FRMD4A: variants seen among roughly 807,000 people sequenced by gnomAD.
FRMD4A encodes FERM domain containing 4A.
In FRMD4A, 29 loss-of-function variants were observed where a neutral mutation model predicts 129.1. The ratio of observed to expected loss-of-function variants is 0.22; its 90% confidence interval spans 0.17 to 0.31. The LOEUF (loss-of-function observed/expected upper bound fraction) is 0.31, where lower values mean the gene tolerates loss of function less well. Among genes scored for constraint, FRMD4A ranks in the 10% least tolerant of loss-of-function variants. The probability of loss-of-function intolerance (pLI) is 1.00; values close to 1 mark genes in which losing one functional copy is unlikely to be tolerated. For missense variants in FRMD4A, 1,272 were observed against 1,375.8 expected, an observed-to-expected ratio of 0.92 and a Z score of 1.19; for synonymous variants, 634 against 571.6, an observed-to-expected ratio of 1.11 and a Z score of -1.56.
At chr10:14,131,399 C>CCA (rs1554767034) in intron 2 of FRMD4A, among the ~76,000 whole-genome samples, 1 of 151,076 alleles carries the variant, frequency 6.6e-6, no homozygotes, top group Non-Finnish European at 1.5e-5. Context: ...TCACTGTGCC[C>CCA]CCCCCGGCCG....
chr10:13,701,208 G>A (rs2296597), intron 14 of FRMD4A, 132 bp downstream of exon 14: 13,365 of 757,574 alleles, frequency 0.018, 761 homozygotes, highest in South Asian at 0.12. Context: ...AGCCCTAAGA[G>A]GCAAGCCTGT....
At chr10:13,704,550 C>T (rs563322067) in intron 13 of FRMD4A, among the ~76,000 whole-genome samples, 11 of 152,334 alleles carry the variant, frequency 7.2e-5, no homozygotes, top group Middle Eastern at 3.4e-3. Context: ...CCAACTCAGA[C>T]CTCTCCTTCC....
intron 14 of FRMD4A, among the ~76,000 whole-genome samples, chr10:13,697,763 G>A (rs987834773): frequency 3.9e-5 from 6 of 152,198 alleles, no homozygotes; most frequent in East Asian, 3.8e-4. Flanking sequence ...AAGGAAAGAC[G>A]TTTGGATTGG....
At chr10:14,040,717 C>T (rs1833745937) in intron 2 of FRMD4A, among the ~76,000 whole-genome samples, 1 of 149,366 alleles carries the variant, frequency 6.7e-6, no homozygotes, top group South Asian at 2.2e-4. Flanking sequence ...GAGTACTCCT[C>T]AGAAACCATA....
intron 2 of FRMD4A, among the ~76,000 whole-genome samples, chr10:14,316,550 G>A (rs1406967298): frequency 1.4e-5 from 2 of 146,400 alleles, no homozygotes; most frequent in South Asian, 2.2e-4. Flanking sequence ...AAGAAACCAG[G>A]CTTAAGCCAA....
At chr10:13,868,449 A>G (rs2094400839) in intron 2 of FRMD4A, among the ~76,000 whole-genome samples, 1 of 152,124 alleles carries the variant, frequency 6.6e-6, no homozygotes, top group Non-Finnish European at 1.5e-5. Flanking sequence ...ATTTTGCTCT[A>G]TGACCTCTGG....
intron 9 of FRMD4A, among the ~76,000 whole-genome samples, chr10:13,744,342 GCCT>G (rs895139070): frequency 3.8e-4 from 58 of 152,248 alleles, no homozygotes; most frequent in African/African-American, 1.3e-3. Flanking sequence ...TGCCTCAGTT[GCCT>G]CCTCAACAGG....
intron 8 of FRMD4A, among the ~76,000 whole-genome samples, chr10:13,758,584 G>A (rs1220536961): frequency 6.6e-6 from 1 of 152,218 alleles, no homozygotes; most frequent in Admixed American, 6.5e-5. Flanking sequence ...TGTGCACTAG[G>A]AGAAGGGGGT....
rs147344933 is a variant in FRMD4A at position 14,023,430 on chromosome 10, G to A, written c.46-164518C>T. ...CTCAGTGATGTACTATAAAGAAAGC[G>A]CCAACCTTCCATAGCCTTCTCCAGC... On this transcript the variant is annotated intron_variant, in intron 2 of 24. Coordinates refer to ENST00000357447, the MANE Select transcript of FRMD4A (RefSeq NM_018027.5). Among the ~76,000 whole-genome samples the A allele has an allele frequency of 5.6e-3, 852 of 152,268 alleles. 4 individuals are homozygous for A. The highest frequency in any genetic ancestry group is 8.2e-3 in the Non-Finnish European group (557 of 68,008).
chr10:14,226,739 A>C (rs1218312073), intron 2 of FRMD4A, among the ~76,000 whole-genome samples: 2 of 152,046 alleles, frequency 1.3e-5, no homozygotes, highest in Non-Finnish European at 2.9e-5. Flanking sequence ...CACCTCATCA[A>C]ATCCATGGAA....
intron 2 of FRMD4A, among the ~76,000 whole-genome samples, chr10:13,993,429 A>T (rs920474098): frequency 5.9e-5 from 9 of 152,222 alleles, no homozygotes; most frequent in Non-Finnish European, 1.2e-4. Context: ...AGCTGTTACC[A>T]GTCAGCCACC....
intron 2 of FRMD4A, among the ~76,000 whole-genome samples, chr10:14,153,115 T>C (rs1218772860): frequency 6.6e-6 from 1 of 152,144 alleles, no homozygotes; most frequent in Non-Finnish European, 1.5e-5. Context: ...GGGACAACAA[T>C]GTATTGCAGT....
At chr10:14,274,092 A>T (rs1462869463) in intron 2 of FRMD4A, among the ~76,000 whole-genome samples, 1 of 152,188 alleles carries the variant, frequency 6.6e-6, no homozygotes, top group African/African-American at 2.4e-5. Flanking sequence ...TCCCAAAGGG[A>T]GGTGCTGTGT....
At chr10:14,243,201 GCT>G (rs1381672070) in intron 2 of FRMD4A, among the ~76,000 whole-genome samples, 3 of 152,140 alleles carry the variant, frequency 2.0e-5, no homozygotes, top group Non-Finnish European at 4.4e-5. Flanking sequence ...ATATAGTTTG[GCT>G]CTGTGTCCTC....
At chr10:13,699,634 TG>T (rs1159117822) in intron 14 of FRMD4A, among the ~76,000 whole-genome samples, 2 of 152,060 alleles carry the variant, frequency 1.3e-5, no homozygotes, top group African/African-American at 2.4e-5. Context: ...GTACAGTGCG[TG>T]GGGGGTCTGC....
chr10:13,660,042 CTAAT>C (rs1408198781), intron 20 of FRMD4A, among the ~76,000 whole-genome samples: 2 of 152,190 alleles, frequency 1.3e-5, no homozygotes, highest in African/African-American at 4.8e-5. Flanking sequence ...CTGAGATTTC[CTAAT>C]TAATTCCTCT....
At chr10:13,818,997 T>A (rs909706275) in intron 3 of FRMD4A, among the ~76,000 whole-genome samples, 2 of 151,908 alleles carry the variant, frequency 1.3e-5, no homozygotes, top group African/African-American at 4.8e-5. Flanking sequence ...GCGTGGTGGC[T>A]CATGCCTGTA....
At chr10:14,101,911 C>A (rs1340996094) in intron 2 of FRMD4A, among the ~76,000 whole-genome samples, 1 of 152,166 alleles carries the variant, frequency 6.6e-6, no homozygotes, top group Admixed American at 6.5e-5. Flanking sequence ...TTAGACATAT[C>A]CCCCATCAAT....
At chr10:13,920,004 T>C (rs555835938) in intron 2 of FRMD4A, among the ~76,000 whole-genome samples, 125 of 152,250 alleles carry the variant, frequency 8.2e-4, no homozygotes, top group African/African-American at 2.8e-3. Context: ...TGACCTAGCT[T>C]ACATAACACA....
Sources: allele counts gnomAD v4.1 joint callset (sites outside exome capture counted in the v4.1 genomes callset), GRCh38; gene constraint gnomAD v4.1.1; transcripts MANE v1.5; gene names NCBI Gene and HGNC (gene_info 2026-07-23, HGNC 2026-07-21).